Variants in NRG3 observed in about 807,000 individuals in gnomAD.
The protein encoded by NRG3 is neuregulin 3.
Under a neutral mutation model 66.9 loss-of-function variants are expected in NRG3, and 31 were observed. The ratio of observed to expected loss-of-function variants is 0.46; its 90% CI spans 0.35 to 0.63. The LOEUF (loss-of-function observed/expected upper bound fraction) is 0.63. Ranked by LOEUF, NRG3 falls within the 20% of genes least tolerant of loss-of-function variation. NRG3 has a pLI of 0.00. For missense variants in NRG3, 910 were observed against 878.9 expected (o/e 1.04, Z -0.45); for synonymous variants, 393 against 359.4 (o/e 1.09, Z -1.06).
chr10:82,501,465 C>T (rs12253854), intron 2 of NRG3, among the ~76,000 whole-genome samples: 8,477 of 152,182 alleles, frequency 0.056, 513 homozygotes, highest in East Asian at 0.17. Flanking sequence ...GCAGGCCCTC[C>T]ATGACCTGCC....
intron 4 of NRG3, among the ~76,000 whole-genome samples, chr10:82,927,655 C>G (rs1164789308): frequency 2.6e-5 from 4 of 152,184 alleles, no homozygotes; most frequent in Admixed American, 6.5e-5. Flanking sequence ...CATCCATGTC[C>G]CTGCAAAGGA....
At chr10:82,596,462 A>C (rs982668865) in intron 2 of NRG3, among the ~76,000 whole-genome samples, 78 of 152,278 alleles carry the variant, frequency 5.1e-4, no homozygotes, top group African/African-American at 1.6e-3. Flanking sequence ...CTGTTTCTCA[A>C]GATAAGAGGG....
chr10:82,545,085 A>G (rs572881303), intron 2 of NRG3, among the ~76,000 whole-genome samples: 1 of 152,342 alleles, frequency 6.6e-6, no homozygotes, highest in Non-Finnish European at 1.5e-5. Context: ...CAGTATAGAA[A>G]GAAAGAACTA....
intron 2 of NRG3, among the ~76,000 whole-genome samples, chr10:82,434,513 C>T (rs976724807): frequency 6.6e-6 from 1 of 152,156 alleles, no homozygotes; most frequent in Non-Finnish European, 1.5e-5. Context: ...GACTGGGCAT[C>T]CTTGTCTTGC....
chr10:82,467,870 G>A (rs1320748355), intron 2 of NRG3, among the ~76,000 whole-genome samples: 4 of 152,064 alleles, frequency 2.6e-5, no homozygotes, highest in South Asian at 2.1e-4. Context: ...TTAAGGAAAC[G>A]AGTAATATGG....
chr10:82,408,834 T>C (rs1371086215), intron 2 of NRG3, among the ~76,000 whole-genome samples: 1 of 151,958 alleles, frequency 6.6e-6, no homozygotes, highest in Admixed American at 6.6e-5. Flanking sequence ...GAATACATTA[T>C]TTATTGCTGA....
chr10:82,921,080 A>G (rs986671675), intron 4 of NRG3, among the ~76,000 whole-genome samples: 3 of 152,178 alleles, frequency 2.0e-5, no homozygotes, highest in Non-Finnish European at 4.4e-5. Context: ...GTAACATTAC[A>G]ATTGAGAAAC....
chr10:82,224,560 C>G (rs2076084779), intron 1 of NRG3, among the ~76,000 whole-genome samples: 3 of 152,090 alleles, frequency 2.0e-5, no homozygotes, highest in African/African-American at 7.2e-5. Context: ...TCCTTGCTTA[C>G]TAATTATTTG....
intron 2 of NRG3, among the ~76,000 whole-genome samples, chr10:82,462,572 C>T (rs1310390572): frequency 6.6e-6 from 1 of 151,924 alleles, no homozygotes; most frequent in Non-Finnish European, 1.5e-5. Flanking sequence ...AAGCTGGAGG[C>T]CCAAGGGTCA....
chr10:82,082,621 G>A (rs2065459411), intron 1 of NRG3, among the ~76,000 whole-genome samples: 1 of 152,120 alleles, frequency 6.6e-6, no homozygotes, highest in Admixed American at 6.5e-5. Context: ...GGAAACATGA[G>A]CCTGACAAAA....
chr10:82,677,724 G>T (rs898079790), intron 2 of NRG3, among the ~76,000 whole-genome samples: 2 of 152,148 alleles, frequency 1.3e-5, no homozygotes, highest in African/African-American at 2.4e-5. Context: ...AGAGACTGAG[G>T]CAGGTTTTAG....
intron 2 of NRG3, among the ~76,000 whole-genome samples, chr10:82,476,407 A>T (rs1253669402): frequency 6.6e-6 from 1 of 152,246 alleles, no homozygotes; most frequent in Non-Finnish European, 1.5e-5. Context: ...TGATACACTC[A>T]TGTTCATAGC....
chr10:82,254,036 C>T (rs1279069948), intron 1 of NRG3, among the ~76,000 whole-genome samples: 8 of 152,302 alleles, frequency 5.3e-5, no homozygotes, highest in Admixed American at 3.3e-4. Flanking sequence ...CAGTTTTTCA[C>T]GAAGCCCCCT....
At chr10:82,200,092 C>T (rs2074709512) in intron 1 of NRG3, among the ~76,000 whole-genome samples, 1 of 152,040 alleles carries the variant, frequency 6.6e-6, no homozygotes, top group African/African-American at 2.4e-5. Context: ...TTATTGAGCA[C>T]CTCCTTAATA....
At chr10:81,990,842 C>T (rs1012352901) in intron 1 of NRG3, among the ~76,000 whole-genome samples, 1 of 151,862 alleles carries the variant, frequency 6.6e-6, no homozygotes, top group African/African-American at 2.4e-5. Context: ...TAAGAAAAAT[C>T]CCGTTGCTTA....
chr10:82,811,406 G>A (rs1266724938), intron 3 of NRG3, among the ~76,000 whole-genome samples: 3 of 152,188 alleles, frequency 2.0e-5, no homozygotes, highest in Non-Finnish European at 2.9e-5. Flanking sequence ...AGGGAGGCTT[G>A]TGGCGACCTT....
intron 2 of NRG3, among the ~76,000 whole-genome samples, chr10:82,501,750 C>A (rs763341305): frequency 2.6e-5 from 4 of 152,162 alleles, no homozygotes; most frequent in African/African-American, 4.8e-5. Context: ...TTTAGTAACT[C>A]AATTCTCTAA....
intron 2 of NRG3, among the ~76,000 whole-genome samples, chr10:82,402,763 T>G (rs2087205423): frequency 1.3e-5 from 2 of 152,156 alleles, no homozygotes; most frequent in Middle Eastern, 3.2e-3. Context: ...TGGGTGCCTG[T>G]GCGTGTGTGA....
At chr10:82,007,910 T>C (rs1159033545) in intron 1 of NRG3, among the ~76,000 whole-genome samples, 1 of 152,002 alleles carries the variant, frequency 6.6e-6, no homozygotes, top group East Asian at 1.9e-4. Flanking sequence ...TTAAAAAAAT[T>C]AAATTGACTT....
Sources: gnomAD v4.1 joint callset for allele counts (sites outside exome capture counted in the v4.1 genomes callset) on GRCh38, gnomAD v4.1.1 for gene constraint, MANE v1.5 for transcripts, NCBI Gene and HGNC (gene_info 2026-07-23, HGNC 2026-07-21) for gene names.